The following CD59 variants were observed in gnomAD, a reference collection of about 807,000 sequenced individuals.
CD59 encodes CD59 glycoprotein.
In CD59, 3 loss-of-function variants were observed where a neutral mutation model predicts 7.0. The ratio of observed to expected loss-of-function variants is 0.43; its 90% CI spans 0.19 to 1.10. The LOEUF (loss-of-function observed/expected upper bound fraction) is 1.10. Ranked by LOEUF, CD59 falls within the 50% of genes least tolerant of loss-of-function variation. The pLI, the probability that CD59 is intolerant of heterozygous loss-of-function variation, is 0.29. For missense variants in CD59, 143 were observed against 151.0 expected, an observed-to-expected ratio of 0.95 and a Z score of 0.28; for synonymous variants, 60 against 62.0, an observed-to-expected ratio of 0.97 and a Z score of 0.15.
In CD59 at chr11:33,709,695, A is replaced by G. The variant is rs1853455672; in HGVS notation, c.*431T>C. The G allele has an allele frequency of 3.8e-6, 1 of 265,798 alleles. No homozygotes were observed. The highest frequency in any genetic ancestry group is 2.2e-5 in the African/African-American group (1 of 45,170). The allele number at this position is 265,798 out of a possible 1,614,324, so 16.5% of individuals were successfully genotyped here. On this transcript the variant is annotated 3_prime_UTR_variant, in exon 4 of 4. Coordinates refer to ENST00000642928, the MANE Select transcript of CD59 (RefSeq NM_000611.6). The stretch of plus-strand genomic sequence containing the variant: ...CTCCATGGCAACACGGGATCCCTGA[A>G]GTTTATGAAAGCGTTCCATGTGAGA...
intron 2 of CD59, among the ~76,000 whole-genome samples, chr11:33,721,199 G>T (rs919782954): frequency 6.6e-6 from 1 of 152,212 alleles, no homozygotes; most frequent in Non-Finnish European, 1.5e-5. Context: ...TAGAATCACG[G>T]AAGGTGGGGA....
rs1480287474 is a variant in CD59, at chr11:33,704,356, G to A, written c.*5770C>T. ...CAGGGACAACTAGTAGGTGGTCATT[G>A]GAGTGTGGCTACAGTTATTATACAG... On this transcript the variant is annotated 3_prime_UTR_variant, in exon 4 of 4. Coordinates refer to ENST00000642928, the MANE Select transcript of CD59 (RefSeq NM_000611.6). 1 of 152,148 alleles carries A rather than the reference G, an allele frequency of 6.6e-6. No homozygotes were observed. The highest frequency in any genetic ancestry group is 2.1e-4 in the South Asian group (1 of 4,828). 9.4% of individuals were successfully genotyped at this position (152,148 alleles called of 1,614,324 possible). A position where few individuals can be genotyped will look rare whatever the true frequency, so the allele number is the denominator to read the frequency against.
intron 1 of CD59, among the ~76,000 whole-genome samples, chr11:33,727,126 A>T (rs1327444302): frequency 6.6e-6 from 1 of 152,234 alleles, no homozygotes; most frequent in Admixed American, 6.5e-5. Flanking sequence ...TCCTTCTGAA[A>T]CTATTCCAAT....
At chr11:33,732,080 G>A (rs1203226889) in intron 1 of CD59, among the ~76,000 whole-genome samples, 1 of 152,142 alleles carries the variant, frequency 6.6e-6, no homozygotes, top group African/African-American at 2.4e-5. Context: ...CCAGTAAGAC[G>A]TGCCTTTCAC....
rs1431347167 is a variant in CD59 at position 33,709,634 on chromosome 11, CCTGA to C, written c.*488_*491del. 1.3e-4 allele frequency: 28 copies of C among 212,620 alleles called. No individual in the cohort carries two copies. Among genetic ancestry groups the C allele is most frequent in the African/African-American group, 5.5e-4 (24 of 43,586 alleles). The allele number at this position is 212,620 out of a possible 1,614,324, so 13.2% of individuals were successfully genotyped here. A position where few individuals can be genotyped will look rare whatever the true frequency, so the allele number is the denominator to read the frequency against. ...GCTCTGCATTAAGGATCTTGTTGTC[CCTGA>C]CTGACACCCACATATGGAACATTTG... On this transcript the variant is annotated 3_prime_UTR_variant, in exon 4 of 4. Coordinates refer to ENST00000642928, the MANE Select transcript of CD59 (RefSeq NM_000611.6).
chr11:33,724,804 T>C (rs831626), intron 1 of CD59, among the ~76,000 whole-genome samples: 23,400 of 152,166 alleles, frequency 0.15, 2,183 homozygotes, highest in South Asian at 0.24. Flanking sequence ...GTTGTTGCTA[T>C]AGCTGATCCC....
At chr11:33,728,189 C>T (rs1854312332) in intron 1 of CD59, among the ~76,000 whole-genome samples, 1 of 152,110 alleles carries the variant, frequency 6.6e-6, no homozygotes, top group African/African-American at 2.4e-5. Flanking sequence ...TCATATGGAA[C>T]CAAAAAAGAG....
chr11:33,722,316 G>C, intron 2 of CD59, 63 bp downstream of exon 2: 1 of 1,221,896 alleles, frequency 8.2e-7, no homozygotes, highest in South Asian at 1.2e-5. Context: ...TGAAACTGAG[G>C]CTTAAGAAGG....
intron 3 of CD59, among the ~76,000 whole-genome samples, chr11:33,716,298 G>A (rs897312493): frequency 1.3e-5 from 2 of 152,058 alleles, no homozygotes; most frequent in Non-Finnish European, 2.9e-5. Context: ...CTCCTTTCTG[G>A]GGAAGTTAAT....
At chr11:33,720,778 G>T (rs1275278745) in intron 2 of CD59, among the ~76,000 whole-genome samples, 1 of 152,140 alleles carries the variant, frequency 6.6e-6, no homozygotes, top group Non-Finnish European at 1.5e-5. Context: ...GTGGACAATG[G>T]TTTGATATTT....
rs1166792936 is a variant in CD59 at position 33,703,664 on chromosome 11, G to T, written c.*6462C>A. ...GCTTACCCAGCGTGAGGCCAGGTTA[G>T]AAAGTCACAGGCCTTGGCAGCAGGC... On this transcript the variant is annotated 3_prime_UTR_variant, in exon 4 of 4. Coordinates refer to ENST00000642928, the MANE Select transcript of CD59 (RefSeq NM_000611.6). 16 of 152,222 alleles carry T rather than the reference G, an allele frequency of 1.1e-4. No individual in the cohort carries two copies. The allele number at this position is 152,222 out of a possible 1,614,324, so 9.4% of individuals were successfully genotyped here.
chr11:33,706,303 A>C lies in CD59; in HGVS notation c.*3823T>G, dbSNP rs1301977399. ...AGATAAATAAGATTATCCATTACAA[A>C]AATTTTATATTGAATAACCTGTAAG... On this transcript the variant is annotated 3_prime_UTR_variant, in exon 4 of 4. Coordinates refer to ENST00000642928, the MANE Select transcript of CD59 (RefSeq NM_000611.6). 2 of 152,190 alleles carry C rather than the reference A, an allele frequency of 1.3e-5. No individual in the cohort carries two copies. The highest frequency in any genetic ancestry group is 4.8e-5 in the African/African-American group (2 of 41,442). The allele number at this position is 152,190 out of a possible 1,614,324, so 9.4% of individuals were successfully genotyped here. A position where few individuals can be genotyped will look rare whatever the true frequency, so the allele number is the denominator to read the frequency against.
At chr11:33,713,186 G>A (rs1392577707) in intron 3 of CD59, among the ~76,000 whole-genome samples, 1 of 152,118 alleles carries the variant, frequency 6.6e-6, no homozygotes, top group Non-Finnish European at 1.5e-5. Context: ...CATGTTAGGT[G>A]AAAAATGTAT....
chr11:33,724,108 C>T (rs901822366), intron 1 of CD59, among the ~76,000 whole-genome samples: 2 of 152,156 alleles, frequency 1.3e-5, no homozygotes, highest in African/African-American at 4.8e-5. Context: ...GGTCCTCTCT[C>T]CAAACAAACA....
intron 2 of CD59, chr11:33,719,582 A>T (rs831632): frequency 0.17 from 26,150 of 152,236 alleles, 2,449 homozygotes; most frequent in South Asian, 0.29. Flanking sequence ...AGCTTGCACC[A>T]CTGCACTCCA....
intron 3 of CD59, among the ~76,000 whole-genome samples, chr11:33,712,775 G>T (rs1156762409): frequency 6.6e-6 from 1 of 152,158 alleles, no homozygotes; most frequent in Non-Finnish European, 1.5e-5. Flanking sequence ...AAACGTTCTG[G>T]TCTGTGAATT....
rs200562124 is a variant in CD59, at chr11:33,733,074, GTCC to G, written c.-19+3305_-19+3307del. ...AGGCGGCCTTTAGAAGCTAAGAATG[GTCC>G]TCAACTGACACTCAGCAAAGAAACA... On this transcript the variant is annotated intron_variant, in intron 1 of 3. Coordinates refer to ENST00000642928, the MANE Select transcript of CD59 (RefSeq NM_000611.6). Among the ~76,000 whole-genome samples the G allele has an allele frequency of 8.7e-4, 132 of 152,190 alleles. 2 individuals carry two copies. The East Asian group carries it at 0.025, about 29-fold the overall frequency.
intron 2 of CD59, among the ~76,000 whole-genome samples, chr11:33,719,839 T>C (rs908093314): frequency 2.6e-5 from 4 of 152,172 alleles, no homozygotes; most frequent in African/African-American, 7.2e-5. Context: ...CATGCCCGTG[T>C]GAGAGGGAAG....
At chr11:33,720,925 CA>C (rs1854032367) in intron 2 of CD59, among the ~76,000 whole-genome samples, 1 of 152,306 alleles carries the variant, frequency 6.6e-6, no homozygotes, top group Middle Eastern at 3.4e-3. Context: ...ATGTGAGCTT[CA>C]CATCTCAATT....
Sources: allele counts gnomAD v4.1 joint callset (sites outside exome capture counted in the v4.1 genomes callset), GRCh38; gene constraint gnomAD v4.1.1; transcripts MANE v1.5; gene names NCBI Gene and HGNC (gene_info 2026-07-23, HGNC 2026-07-21).